Variants in NFIA observed in about 807,000 individuals in gnomAD.
NFIA encodes nuclear factor I A, also known as nuclear factor 1 A-type.
A neutral mutation model predicts 62.8 loss-of-function variants in NFIA; 8 were observed. The observed-to-expected ratio is 0.13, with a 90% confidence interval of 0.07 to 0.23. NFIA has a LOEUF of 0.23. NFIA is among the 10% of genes least tolerant of loss of function. The pLI is 1.00. For synonymous variants in NFIA, 235 were observed against 238.1 expected (o/e 0.99, Z 0.12); for missense variants, 410 against 642.1 (o/e 0.64, Z 3.91).
chr1:61,204,920 C>T (rs183726061), intron 2 of NFIA, among the ~76,000 whole-genome samples: 48 of 152,272 alleles, frequency 3.2e-4, no homozygotes, highest in African/African-American at 9.6e-4. Context: ...TTTTACTTGG[C>T]ACCCACCATT....
intron 2 of NFIA, among the ~76,000 whole-genome samples, chr1:61,090,336 A>G (rs867238820): frequency 6.6e-6 from 1 of 152,206 alleles, no homozygotes; most frequent in Non-Finnish European, 1.5e-5. Flanking sequence ...TAGATGACCA[A>G]CATCGAAACT....
intron 2 of NFIA, among the ~76,000 whole-genome samples, chr1:61,131,467 A>G (rs1209743060): frequency 6.6e-6 from 1 of 152,188 alleles, no homozygotes; most frequent in African/African-American, 2.4e-5. Context: ...GACAGTAGGA[A>G]CAAGGCAAGC....
chr1:61,156,281 A>T (rs992790569), intron 2 of NFIA, among the ~76,000 whole-genome samples: 1 of 152,240 alleles, frequency 6.6e-6, no homozygotes, highest in African/African-American at 2.4e-5. Flanking sequence ...TTCAACAGTG[A>T]ATATCCTTCA....
At chr1:61,277,447 G>A (rs558579056) in intron 2 of NFIA, 73 bp from the exon 3 acceptor site, 1 of 1,426,872 alleles carries the variant, frequency 7.0e-7, no homozygotes, top group East Asian at 2.3e-5. Flanking sequence ...AACCTTTTGA[G>A]AAAGTCTGGC....
At chr1:61,077,933 A>G (rs930789863), upstream of NFIA, among the ~76,000 whole-genome samples, 2 of 150,284 alleles carry the variant, frequency 1.3e-5, no homozygotes, top group Non-Finnish European at 3.0e-5. Context: ...TCGGTTCCAG[A>G]AAGGGGTGGG....
chr1:61,144,488 C>T (rs1289285916), intron 2 of NFIA, among the ~76,000 whole-genome samples: 1 of 152,132 alleles, frequency 6.6e-6, no homozygotes, highest in East Asian at 1.9e-4. Context: ...TGCTGGGCCT[C>T]TATGGGGCAG....
intron 2 of NFIA, among the ~76,000 whole-genome samples, chr1:61,090,309 C>G (rs1318797365): frequency 6.6e-6 from 1 of 152,058 alleles, no homozygotes; most frequent in Non-Finnish European, 1.5e-5. Flanking sequence ...AAAATATAAC[C>G]TATAAATTAT....
At chr1:61,179,043 C>A (rs570444080) in intron 2 of NFIA, among the ~76,000 whole-genome samples, 1 of 152,208 alleles carries the variant, frequency 6.6e-6, no homozygotes. Context: ...GTCCCCTGCC[C>A]TTTCAGCCTG....
intron 2 of NFIA, among the ~76,000 whole-genome samples, chr1:61,212,282 C>T (rs191868612): frequency 6.6e-6 from 1 of 152,254 alleles, no homozygotes; most frequent in East Asian, 1.9e-4. Context: ...CTTTGAGACA[C>T]ACTAAAGCTT....
chr1:61,287,661 C>T (rs1454377697), intron 3 of NFIA, among the ~76,000 whole-genome samples: 2 of 151,752 alleles, frequency 1.3e-5, no homozygotes, highest in African/African-American at 4.8e-5. Context: ...CCCCAACCCC[C>T]CCCAAAAAAA....
chr1:61,236,514 A>G (rs908335489), intron 2 of NFIA, among the ~76,000 whole-genome samples: 4 of 152,188 alleles, frequency 2.6e-5, no homozygotes, highest in Non-Finnish European at 5.9e-5. Flanking sequence ...AAAATACTAC[A>G]CAGAGAAAGA....
At chr1:61,309,045 T>C (rs1659950221) in intron 3 of NFIA, among the ~76,000 whole-genome samples, 1 of 152,082 alleles carries the variant, frequency 6.6e-6, no homozygotes, top group Admixed American at 6.6e-5. Context: ...CTCATCAGAG[T>C]AGATAGAGAC....
chr1:61,386,456 C>T (rs1664691993), intron 7 of NFIA, among the ~76,000 whole-genome samples: 1 of 152,270 alleles, frequency 6.6e-6, no homozygotes, highest in South Asian at 2.1e-4. Flanking sequence ...CCATTGACTG[C>T]TCTCTGGTTA....
intron 3 of NFIA, among the ~76,000 whole-genome samples, chr1:61,328,485 G>T (rs911133733): frequency 6.6e-6 from 1 of 151,676 alleles, no homozygotes; most frequent in African/African-American, 2.4e-5. Flanking sequence ...GCAATGGCAC[G>T]ATCTCGGCTC....
intron 2 of NFIA, among the ~76,000 whole-genome samples, chr1:61,258,846 G>A (rs1281699701): frequency 1.3e-5 from 2 of 152,012 alleles, no homozygotes; most frequent in Admixed American, 6.5e-5. Flanking sequence ...TCCCACCTCA[G>A]CCTTCTAAGT....
chr1:61,345,913 C>T lies in NFIA; in HGVS notation c.701-6537C>T, dbSNP rs537396999. ...GGTTCATAAATGATGCCTAATAAAT[C>T]GTGATGGTGATGGTGGCAGCAGTGG... On this transcript the variant is annotated intron_variant, in intron 4 of 10. Transcript: ENST00000403491. 7.2e-5 allele frequency among the ~76,000 whole-genome samples: 11 copies of T among 152,188 alleles called. No homozygotes were observed. The South Asian group carries it at 1.5e-3, about 20-fold the overall frequency.
intron 2 of NFIA, among the ~76,000 whole-genome samples, chr1:61,146,832 G>GT (rs10713898): frequency 6.6e-5 from 10 of 151,898 alleles, no homozygotes; most frequent in East Asian, 3.9e-4. Context: ...ATCTTTCATA[G>GT]TTTTTTTTTT....
intron 2 of NFIA, among the ~76,000 whole-genome samples, chr1:61,150,225 C>T (rs1331355253): frequency 3.3e-5 from 5 of 152,242 alleles, no homozygotes; most frequent in Non-Finnish European, 5.9e-5. Context: ...TGTTCTCTGC[C>T]AAGTCCCTTT....
intron 3 of NFIA, among the ~76,000 whole-genome samples, chr1:61,291,261 C>A (rs1005114964): frequency 1.3e-5 from 2 of 152,172 alleles, no homozygotes. Flanking sequence ...TCAGTTCTAT[C>A]TGAGCAGAAT....
Sources: gnomAD v4.1 joint callset for allele counts (sites outside exome capture counted in the v4.1 genomes callset) on GRCh38, gnomAD v4.1.1 for gene constraint, MANE v1.5 for transcripts, NCBI Gene and HGNC (gene_info 2026-07-23, HGNC 2026-07-21) for gene names.